Variants in ASAH1 observed in about 807,000 individuals in gnomAD.
ASAH1 encodes N-acylsphingosine amidohydrolase 1.
A neutral mutation model predicts 59.5 loss-of-function variants in ASAH1; 70 were observed. The ratio of observed to expected loss-of-function variants is 1.18; its 90% CI spans 0.97 to 1.43. ASAH1 has a LOEUF of 1.43. Ranked by LOEUF, ASAH1 falls within the 40% of genes most tolerant of loss-of-function variation. The pLI is 0.00. For missense variants in ASAH1, 660 were observed against 482.5 expected, an observed-to-expected ratio of 1.37 and a Z score of -3.45; for synonymous variants, 213 against 166.5, an observed-to-expected ratio of 1.28 and a Z score of -2.15.
At chr8:18,074,534 T>C (rs1461215201) in intron 2 of ASAH1, among the ~76,000 whole-genome samples, 1 of 152,212 alleles carries the variant, frequency 6.6e-6, no homozygotes, top group East Asian at 1.9e-4. Flanking sequence ...AGAGTTGTAC[T>C]GTTTCCCCCT....
chr8:18,061,794 C>A (rs1799713625), intron 8 of ASAH1, 54 bp from the exon 9 acceptor site: 1 of 1,487,768 alleles, frequency 6.7e-7, no homozygotes, highest in East Asian at 2.5e-5. Context: ...CGCTTTAAGG[C>A]CCTGTCGCTC....
intron 1 of ASAH1, among the ~76,000 whole-genome samples, chr8:18,082,930 T>C (rs1489788942): frequency 6.6e-6 from 1 of 152,192 alleles, no homozygotes; most frequent in Non-Finnish European, 1.5e-5. Flanking sequence ...TTTAATCGTG[T>C]CCACATACAT....
At chr8:18,061,873 A>C in intron 8 of ASAH1, 133 bp from the exon 9 acceptor site, 1 of 873,420 alleles carries the variant, frequency 1.1e-6, no homozygotes, top group Non-Finnish European at 1.8e-6. Context: ...AATCAAAACC[A>C]TAAAAGGCTT....
rs370957179 is a variant in ASAH1 at position 18,083,933 on chromosome 8, G to A, written c.78+48C>T. 281 of 1,573,014 alleles carry A rather than the reference G, an allele frequency of 1.8e-4. No homozygotes were observed. In the African/African-American group the frequency reaches 3.2e-3, roughly 18 times the overall value. On this transcript the variant is annotated intron_variant, in intron 1 of 13. Transcript: ENST00000637790. ...CCGCCACACCTGCGCCTCCATCCGC[G>A]CCCGCACCTGCACGCCCCTCTCTGC...
chr8:18,071,198 C>T, intron 3 of ASAH1, 102 bp downstream of exon 3: 1 of 598,860 alleles, frequency 1.7e-6, no homozygotes, highest in Non-Finnish European at 2.3e-6. Context: ...CAGAGTGAGA[C>T]TCTGTCTCAA....
chr8:18,063,300 T>C, intron 6 of ASAH1, 70 bp from the exon 7 acceptor site: 1 of 1,359,266 alleles, frequency 7.4e-7, no homozygotes, highest in Admixed American at 1.7e-5. Flanking sequence ...GACAATTAAT[T>C]TTGATTAATT....
At chr8:18,069,140 C>CAAAAA (rs34419879) in intron 4 of ASAH1, among the ~76,000 whole-genome samples, 2 of 90,118 alleles carry the variant, frequency 2.2e-5, no homozygotes, top group African/African-American at 9.5e-5. Context: ...GATGAGGTCT[C>CAAAAA]AAAAAAAAAA....
intron 4 of ASAH1, 96 bp downstream of exon 4, chr8:18,069,696 A>G (rs923931607): frequency 1.2e-6 from 1 of 862,188 alleles, no homozygotes; most frequent in Non-Finnish European, 1.9e-6. Context: ...GATTTGCCCA[A>G]GTCCCTGCGA....
intron 1 of ASAH1, chr8:18,082,703 T>C (rs34992950): frequency 0.1 from 15,738 of 152,214 alleles, 1,058 homozygotes; most frequent in African/African-American, 0.18. Context: ...TGGGTTTTTT[T>C]CTATAACCTA....
chr8:18,065,975 C>A (rs1480299027), intron 5 of ASAH1: 2 of 151,352 alleles, frequency 1.3e-5, no homozygotes, highest in Admixed American at 1.3e-4. Context: ...GAAAGGATAG[C>A]CTTTTGAATT....
intron 1 of ASAH1, among the ~76,000 whole-genome samples, chr8:18,082,898 G>A (rs1025093567): frequency 6.6e-6 from 1 of 150,534 alleles, no homozygotes; most frequent in South Asian, 2.1e-4. Context: ...TACCCACAAT[G>A]GAGCAATTTT....
rs76689540 is a variant in ASAH1 at position 18,062,761 on chromosome 8, A to G, written c.504-338T>C. Reference sequence around the variant, plus strand: ...GTCCCTCTTGTCTCAGCACTCAAGCAATCCATTTATCTTCACTTATGATCA... The same window carrying G: ...GTCCCTCTTGTCTCAGCACTCAAGCGATCCATTTATCTTCACTTATGATCA... On this transcript the variant is annotated intron_variant, in intron 7 of 13. Transcript: ENST00000637790. 1,135 of 396,824 alleles carry G rather than the reference A, an allele frequency of 2.9e-3. 14 individuals are homozygous for G. Among genetic ancestry groups the G allele is most frequent in the African/African-American group, 0.021 (1,045 of 48,944 alleles). 24.6% of individuals were successfully genotyped at this position (396,824 alleles called of 1,614,324 possible).
intron 6 of ASAH1, 87 bp downstream of exon 6, chr8:18,064,370 C>G: frequency 9.4e-7 from 1 of 1,063,268 alleles, no homozygotes; most frequent in Non-Finnish European, 1.4e-6. Context: ...CATAGCAAGC[C>G]CAAATTTCAG....
chr8:18,063,115 G>GT, intron 7 of ASAH1, 70 bp downstream of exon 7: 2 of 1,441,696 alleles, frequency 1.4e-6, no homozygotes, highest in Admixed American at 1.7e-5. Context: ...TGATCCACCC[G>GT]TGTCAGCCTC....
At chr8:18,064,926 A>G (rs957273396) in intron 5 of ASAH1, 5 of 172,726 alleles carry the variant, frequency 2.9e-5, no homozygotes, top group Non-Finnish European at 5.0e-5. Context: ...AAAATTTCTA[A>G]GGTGAAAAAG....
intron 5 of ASAH1, 133 bp downstream of exon 5, chr8:18,067,087 T>G: frequency 6.5e-6 from 1 of 153,762 alleles, no homozygotes; most frequent in Non-Finnish European, 1.9e-5. Flanking sequence ...CTGAGCTGTA[T>G]ATCTAAGACC....
Position 18,063,231 on chromosome 8 carries a change from C to T in ASAH1, c.458-1G>A, listed in dbSNP as rs750751739. 2.5e-6 allele frequency: 4 copies of T among 1,613,242 alleles called. No homozygotes were observed. The highest frequency in any genetic ancestry group is 3.4e-6 in the Non-Finnish European group (4 of 1,179,274). On this transcript the variant is annotated splice_acceptor_variant, in intron 6 of 13. Coordinates refer to ENST00000637790, the MANE Select transcript of ASAH1 (RefSeq NM_177924.5). LOFTEE classifies it high-confidence loss of function. ...ATGTTTCTCCCATGTATTAGATGAC[C>T]TATTTGAAGGTAGACAGAAGAGACG...
At chr8:18,060,119 GAAACTAAAGA>G (rs1799629584) in intron 10 of ASAH1, 1 of 179,436 alleles carries the variant, frequency 5.6e-6, no homozygotes, top group East Asian at 1.5e-4. Flanking sequence ...TAGCTCTGTA[GAAACTAAAGA>G]AAAACAAGTA....
At position 18,067,271 on chromosome 8, in the gene ASAH1, G is replaced by A; in HGVS notation, c.331C>T (p.Pro111Ser). The A allele has an allele frequency of 5.6e-6, 9 of 1,594,818 alleles. No individual in the cohort carries two copies. Among genetic ancestry groups the A allele is most frequent in the Non-Finnish European group, 6.0e-6 (7 of 1,169,856 alleles). Residue 111 changes from proline to serine, a missense_variant, in exon 5 of 14, where the codon CCT becomes TCT. Transcript: ENST00000637790. The part of the protein sequence containing the change: ...LPGLLGNFPG[P>S]FEEEMKGIAA... Reference sequence around the variant, plus strand: ...ATACCCTTCATTTCCTCTTCAAAAGGGCCAGGAAAGTTGCCAAGTAGGCCA... The same window carrying A: ...ATACCCTTCATTTCCTCTTCAAAAGAGCCAGGAAAGTTGCCAAGTAGGCCA...
Sources: gnomAD v4.1 joint callset for allele counts (sites outside exome capture counted in the v4.1 genomes callset) on GRCh38, gnomAD v4.1.1 for gene constraint, MANE v1.5 for transcripts, NCBI Gene and HGNC (gene_info 2026-07-23, HGNC 2026-07-21) for gene names.